Variants in TRHDE observed in about 807,000 individuals in gnomAD.
TRHDE encodes thyrotropin releasing hormone degrading enzyme, also known as thyrotropin-releasing hormone-degrading ectoenzyme.
In TRHDE, 72 loss-of-function variants were observed where a neutral mutation model predicts 125.7. The ratio of observed to expected loss-of-function variants is 0.57; its 90% CI spans 0.47 to 0.70. The LOEUF is 0.70. Among genes scored for constraint, TRHDE ranks in the 30% least tolerant of loss-of-function variants. The probability of loss-of-function intolerance (pLI) is 0.00; values close to 1 mark genes in which losing one functional copy is unlikely to be tolerated. For missense variants in TRHDE, 1,110 were observed against 1,327.1 expected, an observed-to-expected ratio of 0.84 and a Z score of 2.54; for synonymous variants, 509 against 509.1, an observed-to-expected ratio of 1.00 and a Z score of 0.00.
intron 2 of TRHDE, among the ~76,000 whole-genome samples, chr12:72,227,711 G>A (rs1878161964): frequency 6.6e-6 from 1 of 152,150 alleles, no homozygotes; most frequent in Non-Finnish European, 1.5e-5. Context: ...CTGCCTATGA[G>A]CCCGTAAAAT....
At chr12:72,485,701 G>T (rs185083926) in intron 5 of TRHDE, among the ~76,000 whole-genome samples, 2 of 152,300 alleles carry the variant, frequency 1.3e-5, no homozygotes, top group Admixed American at 1.3e-4. Flanking sequence ...ACAAAGGGAT[G>T]CAGAGGCTCT....
chr12:72,424,208 G>A (rs556125031), intron 3 of TRHDE, among the ~76,000 whole-genome samples: 6 of 152,186 alleles, frequency 3.9e-5, no homozygotes, highest in Admixed American at 3.3e-4. Flanking sequence ...GCTTCTGGTG[G>A]TGGCCATTGA....
At chr12:72,287,635 A>C (rs1168935242) in intron 2 of TRHDE, among the ~76,000 whole-genome samples, 3 of 151,936 alleles carry the variant, frequency 2.0e-5, no homozygotes, top group Non-Finnish European at 2.9e-5. Flanking sequence ...TTAAAATTTC[A>C]TGTAAGTGAT....
chr12:72,097,055 T>A (rs1412157341), intron 1 of TRHDE, among the ~76,000 whole-genome samples: 2 of 152,208 alleles, frequency 1.3e-5, no homozygotes, highest in Non-Finnish European at 2.9e-5. Flanking sequence ...TATGCCCACC[T>A]TCATACCTGA....
rs532969936 is a variant in TRHDE at position 72,342,731 on chromosome 12, C to G, written c.1189-35264C>G. Among the ~76,000 whole-genome samples, 3 of 152,136 alleles carry G rather than the reference C, an allele frequency of 2.0e-5. No individual in the cohort carries two copies. In the South Asian group the frequency reaches 6.2e-4, roughly 32 times the overall value. On this transcript the variant is annotated intron_variant, in intron 2 of 18. Transcript: ENST00000261180. ...GTACATATAGGAATTAGAACACATT[C>G]ATTGATTTTCTTTCTTCACTATAAT...
At chr12:72,530,292 CA>C (rs1290523601) in intron 6 of TRHDE, among the ~76,000 whole-genome samples, 4 of 151,886 alleles carry the variant, frequency 2.6e-5, no homozygotes, top group African/African-American at 9.7e-5. Flanking sequence ...CTTTTCTTGT[CA>C]ACTCAAAAAT....
At chr12:72,235,063 T>A (rs1297016671) in intron 2 of TRHDE, among the ~76,000 whole-genome samples, 2 of 152,150 alleles carry the variant, frequency 1.3e-5, no homozygotes, top group Admixed American at 1.3e-4. Context: ...ATCCAGGTCA[T>A]CTGACTCATC....
intron 15 of TRHDE, among the ~76,000 whole-genome samples, chr12:72,632,338 T>G (rs1476749695): frequency 6.6e-6 from 1 of 151,932 alleles, no homozygotes; most frequent in African/African-American, 2.4e-5. Flanking sequence ...CAGAGCTGAG[T>G]GAAGAAGCAG....
Position 72,670,414 on chromosome 12 carries a change from A to G in TRHDE, c.*7219A>G, listed in dbSNP as rs1374391753. On this transcript the variant is annotated 3_prime_UTR_variant, in exon 19 of 19. Transcript: ENST00000261180. ...GAGAAAATTTGTCTTCTGTATTTTA[A>G]GCAGAAAAAATATGAATTCTGCCTC... is the stretch of plus-strand genomic sequence containing the variant. The G allele has an allele frequency of 2.0e-5, 3 of 151,756 alleles. No individual in the cohort carries two copies. Among genetic ancestry groups the G allele is most frequent in the Non-Finnish European group, 4.4e-5 (3 of 67,778 alleles). The allele number at this position is 151,756 out of a possible 1,614,324, so 9.4% of individuals were successfully genotyped here. A position where few individuals can be genotyped will look rare whatever the true frequency, so the allele number is the denominator to read the frequency against.
At chr12:72,476,901 C>T (rs1282363880) in intron 5 of TRHDE, among the ~76,000 whole-genome samples, 4 of 152,088 alleles carry the variant, frequency 2.6e-5, no homozygotes, top group Non-Finnish European at 5.9e-5. Flanking sequence ...TTAAGGAATA[C>T]TACATATGAT....
chr12:72,434,388 CA>C (rs34254660), intron 3 of TRHDE, among the ~76,000 whole-genome samples: 2,421 of 81,922 alleles, frequency 0.03, 43 homozygotes, highest in African/African-American at 0.075. Context: ...CTCTATGTCT[CA>C]AAAAAAAAAA....
Position 72,272,787 on chromosome 12 carries a change from A to C in TRHDE, c.144A>C (p.Glu48Asp). 6.4e-7 allele frequency: 1 copy of C among 1,557,798 alleles called. No individual in the cohort carries two copies. Among genetic ancestry groups the C allele is most frequent in the South Asian group, 1.2e-5 (1 of 86,354 alleles). ...SSSPFAAAMG[E>D]DDAALRAGSR... is the part of the protein sequence containing the mutation. Reference sequence around the variant, plus strand: ...CACCCTTCGCAGCCGCGATGGGGGAAGACGACGCCGCGCTTCGGGCTGGCA... The same window carrying C: ...CACCCTTCGCAGCCGCGATGGGGGACGACGACGCCGCGCTTCGGGCTGGCA... The change falls in exon 1 of 19, where the codon GAA becomes GAC. Residue 48 changes from glutamate (E) to aspartate (D), a missense_variant. Coordinates refer to ENST00000261180, the MANE Select transcript of TRHDE (RefSeq NM_013381.3). This position sits in a 1 kb window ranked among gnomAD's most constrained non-coding sequence, Gnocchi z 6.7.
chr12:72,231,702 C>A (rs1258072278), intron 2 of TRHDE, among the ~76,000 whole-genome samples: 1 of 152,174 alleles, frequency 6.6e-6, no homozygotes, highest in Admixed American at 6.5e-5. Context: ...GATTTGGTAA[C>A]CTCCTTGCTG....
chr12:72,279,409 A>C (rs1879613154), intron 1 of TRHDE, among the ~76,000 whole-genome samples: 1 of 152,130 alleles, frequency 6.6e-6, no homozygotes, highest in South Asian at 2.1e-4. Flanking sequence ...CATCATCATC[A>C]TCATCATTTC....
intron 12 of TRHDE, among the ~76,000 whole-genome samples, chr12:72,584,140 T>A (rs1871351374): frequency 1.3e-5 from 2 of 152,094 alleles, no homozygotes; most frequent in South Asian, 2.1e-4. Context: ...ATTTGTAACC[T>A]TCCAGTACCA....
chr12:72,443,925 G>A (rs1359630071), intron 3 of TRHDE, among the ~76,000 whole-genome samples: 1 of 151,714 alleles, frequency 6.6e-6, no homozygotes, highest in Non-Finnish European at 1.5e-5. Flanking sequence ...AATTAAAGGG[G>A]CCATAAAGAT....
chr12:72,147,712 C>A (rs964592193), intron 2 of TRHDE: 20 of 152,220 alleles, frequency 1.3e-4, no homozygotes, highest in African/African-American at 4.6e-4. Context: ...CATGGTAAAT[C>A]TTTTACTTTC....
chr12:72,233,433 C>T (rs1878284644), intron 2 of TRHDE, among the ~76,000 whole-genome samples: 1 of 152,110 alleles, frequency 6.6e-6, no homozygotes, highest in Admixed American at 6.6e-5. Flanking sequence ...GAAGAAGTGA[C>T]TCGAGATGGC....
intron 2 of TRHDE, among the ~76,000 whole-genome samples, chr12:72,287,564 A>T (rs141940611): frequency 7.0e-6 from 1 of 142,292 alleles, no homozygotes; most frequent in Non-Finnish European, 1.5e-5. Flanking sequence ...CGATTATTTC[A>T]TATCTATGTA....
Sources: allele counts gnomAD v4.1 joint callset (sites outside exome capture counted in the v4.1 genomes callset), GRCh38; gene constraint gnomAD v4.1.1; non-coding constraint Gnocchi (gnomAD v3.1); transcripts MANE v1.5; gene names NCBI Gene and HGNC (gene_info 2026-07-23, HGNC 2026-07-21).